The following ANO1 variants were observed in gnomAD, a reference collection of about 807,000 sequenced individuals.
The protein encoded by ANO1 is anoctamin 1.
Under a neutral mutation model 124.0 loss-of-function variants are expected in ANO1, and 59 were observed. The ratio of observed to expected loss-of-function variants is 0.48; its 90% CI spans 0.39 to 0.59. The LOEUF (loss-of-function observed/expected upper bound fraction) is 0.59, where lower values mean the gene tolerates loss of function less well. Ranked by LOEUF, ANO1 falls within the 20% of genes least tolerant of loss-of-function variation. ANO1 has a pLI of 0.00. For missense variants in ANO1, 1,059 were observed against 1,328.0 expected, an observed-to-expected ratio of 0.80 and a Z score of 3.15; for synonymous variants, 529 against 532.0, an observed-to-expected ratio of 0.99 and a Z score of 0.08.
intron 1 of ANO1, among the ~76,000 whole-genome samples, chr11:70,033,217 C>A (rs559690833): frequency 8.5e-5 from 13 of 152,218 alleles, no homozygotes; most frequent in African/African-American, 3.1e-4. Context: ...TGCTTGCTCC[C>A]GTTTTCCTGA....
chr11:70,027,861 C>G (rs978643343), intron 1 of ANO1, among the ~76,000 whole-genome samples: 1 of 152,070 alleles, frequency 6.6e-6, no homozygotes, highest in Non-Finnish European at 1.5e-5. Flanking sequence ...ACCACGGAGG[C>G]GCATCCTTAG....
intron 1 of ANO1, chr11:70,064,828 C>T (rs9630220): frequency 0.16 from 23,588 of 152,070 alleles, 2,168 homozygotes; most frequent in African/African-American, 0.25. Flanking sequence ...GTGAGTCTCA[C>T]TGGCAGATGA....
Position 70,157,014 on chromosome 11 carries a change from T to C in ANO1, c.1571T>C (p.Ile524Thr). The C allele has an allele frequency of 6.2e-7, 1 of 1,613,156 alleles. No homozygotes were observed. The highest frequency in any genetic ancestry group is 8.5e-7 in the Non-Finnish European group (1 of 1,179,574). Residue 524 changes from isoleucine (I) to threonine (T), a missense_variant, in exon 16 of 26, where the codon ATC becomes ACC. Ile to Thr is a moderately conservative substitution (Grantham distance 89). Coordinates refer to ENST00000355303, the MANE Select transcript of ANO1 (RefSeq NM_018043.7). ...TACCTCACTAACTTGGTCTCCATCA[T>C]CTTCATGGTAAGTTCCAGAAGGTTA... Reference protein sequence around the residue: ...PAYLTNLVSIIFMIAVTFAIV... With the variant: ...PAYLTNLVSITFMIAVTFAIV...
At position 70,138,171 on chromosome 11, in the gene ANO1, C is replaced by T. The variant is rs1396668119; in HGVS notation, c.1258+6092C>T. Among the ~76,000 whole-genome samples the T allele has an allele frequency of 7.5e-5, 11 of 146,282 alleles. 2 individuals carry two copies. Among genetic ancestry groups the T allele is most frequent in the Non-Finnish European group, 9.1e-5 (6 of 65,886 alleles). ...ACCAGTCAGGCCAACATGGTGAAAC[C>T]CCGTCTCTACTAAAAATACAAAGAT... On this transcript the variant is annotated intron_variant, in intron 11 of 25. Coordinates refer to ENST00000355303, the MANE Select transcript of ANO1 (RefSeq NM_018043.7).
At chr11:69,995,332 T>A in intron 1 of ANO1, among the ~76,000 whole-genome samples, 1 of 151,970 alleles carries the variant, frequency 6.6e-6, no homozygotes, top group East Asian at 1.9e-4. Context: ...CTCCTGACCT[T>A]GTGATCTACC....
At chr11:70,060,907 G>T (rs782631728) in intron 1 of ANO1, among the ~76,000 whole-genome samples, 3 of 152,176 alleles carry the variant, frequency 2.0e-5, no homozygotes, top group Non-Finnish European at 4.4e-5. Flanking sequence ...CTTTCTGAGA[G>T]AGCAAAAGGA....
At chr11:70,158,502 C>T (rs578177046) in intron 16 of ANO1, among the ~76,000 whole-genome samples, 38 of 152,378 alleles carry the variant, frequency 2.5e-4, no homozygotes, top group African/African-American at 8.2e-4. Flanking sequence ...CAGAAGGCTG[C>T]ACTTCTCCTC....
chr11:70,100,087 G>A (rs916166281), intron 2 of ANO1, among the ~76,000 whole-genome samples: 1 of 152,120 alleles, frequency 6.6e-6, no homozygotes, highest in African/African-American at 2.4e-5. Context: ...TCCAGTCACC[G>A]TGCCTGGGGC....
At chr11:70,115,168 CA>C (rs1338944077) in intron 7 of ANO1, among the ~76,000 whole-genome samples, 4 of 152,024 alleles carry the variant, frequency 2.6e-5, no homozygotes, top group Non-Finnish European at 5.9e-5. Context: ...GTTCCAAGAC[CA>C]CCTGCATTTG....
rs372451821 is a variant in ANO1, at chr11:70,156,926, C to T, written c.1504-21C>T. The T allele has an allele frequency of 2.4e-5, 39 of 1,610,380 alleles. No individual in the cohort carries two copies. The African/African-American group carries it at 2.8e-4, about 12-fold the overall frequency. On this transcript the variant is annotated intron_variant, in intron 15 of 25. Coordinates refer to ENST00000355303, the MANE Select transcript of ANO1 (RefSeq NM_018043.7). ...CATCGTGATGGTTCCAGACAGTGAC[C>T]GGCATTGTTTTGTGTTGTAGACTGA...
chr11:70,187,886 G>T lies in ANO1; in HGVS notation c.2843G>T (p.Trp948Leu). ...EQDKQQLLET[W>L]MEKERQKDEP... ...GACAAGCAGCAGCTGCTGGAAACCT[G>T]GATGGAGAAGGAGCGGCAGAAGGAC... Residue 948 changes from tryptophan (W) to leucine (L), a missense_variant, in exon 26 of 26, where the codon TGG (tryptophan) becomes TTG (leucine). By Grantham distance (61) the Trp-to-Leu change is moderately conservative. Transcript: ENST00000355303. 6.2e-7 allele frequency: 1 copy of T among 1,602,700 alleles called. No homozygotes were observed. Among genetic ancestry groups the T allele is most frequent in the African/African-American group, 1.3e-5 (1 of 74,940 alleles).
At chr11:70,082,608 G>T (rs1397287825) in intron 1 of ANO1, among the ~76,000 whole-genome samples, 1 of 152,178 alleles carries the variant, frequency 6.6e-6, no homozygotes, top group Non-Finnish European at 1.5e-5. Flanking sequence ...AAGGTGCACC[G>T]AGGGGTTGCT....
intron 1 of ANO1, 66 bp from the exon 2 acceptor site, chr11:70,087,686 C>A: frequency 7.2e-7 from 1 of 1,382,318 alleles, no homozygotes; most frequent in Non-Finnish European, 9.7e-7. Context: ...AAGGGAGCAG[C>A]GCACCCTCCA....
chr11:70,135,109 A>G (rs190934079), intron 11 of ANO1, among the ~76,000 whole-genome samples: 20 of 152,226 alleles, frequency 1.3e-4, no homozygotes, highest in Admixed American at 7.2e-4. Flanking sequence ...CAGGAAGGGC[A>G]CCTATGGGAA....
chr11:70,025,824 ATGGTGG>A (rs1856889825), intron 1 of ANO1, among the ~76,000 whole-genome samples: 1 of 71,056 alleles, frequency 1.4e-5, no homozygotes, highest in African/African-American at 6.2e-5. Flanking sequence ...GGTGATGATG[ATGGTGG>A]TGGTGATGAT....
At chr11:70,107,461 G>T (rs913906787) in intron 5 of ANO1, among the ~76,000 whole-genome samples, 3 of 144,252 alleles carry the variant, frequency 2.1e-5, no homozygotes, top group Admixed American at 6.8e-5. Flanking sequence ...AGGGGGCGGG[G>T]TTGTTGGGAC....
At chr11:70,143,703 CG>C (rs1565244380) in intron 11 of ANO1, among the ~76,000 whole-genome samples, 1 of 152,212 alleles carries the variant, frequency 6.6e-6, no homozygotes, top group Admixed American at 6.5e-5. Flanking sequence ...GATTGCCCCC[CG>C]CCACAGGTAA....
At chr11:69,999,079 G>T (rs996181582) in intron 1 of ANO1, among the ~76,000 whole-genome samples, 2 of 151,244 alleles carry the variant, frequency 1.3e-5, no homozygotes, top group Non-Finnish European at 3.0e-5. Flanking sequence ...AAGAAAGAGA[G>T]ACCTGAGTCT....
rs531209952 is a variant in ANO1 at position 70,139,757 on chromosome 11, G to A, written c.1258+7678G>A. 2.0e-5 allele frequency among the ~76,000 whole-genome samples: 3 copies of A among 152,236 alleles called. No individual in the cohort carries two copies. In the South Asian group the frequency reaches 6.2e-4, roughly 32 times the overall value. ...TGGTAGAACAATTGATATTCCTTTG[G>A]GCATATACCCAGTAATGGCATTGCT... is the stretch of plus-strand genomic sequence containing the variant. On this transcript the variant is annotated intron_variant, in intron 11 of 25. Transcript: ENST00000355303.
Sources: allele counts gnomAD v4.1 joint callset (sites outside exome capture counted in the v4.1 genomes callset), GRCh38; gene constraint gnomAD v4.1.1; transcripts MANE v1.5; gene names NCBI Gene and HGNC (gene_info 2026-07-23, HGNC 2026-07-21).